The following CPEB3 variants were observed in gnomAD, a reference collection of about 807,000 sequenced individuals.
The protein encoded by CPEB3 is cytoplasmic polyadenylation element-binding protein 3.
Under a neutral mutation model 67.2 loss-of-function variants are expected in CPEB3, and 20 were observed. That is an observed-to-expected ratio of 0.30 (90% CI 0.21 to 0.43). The LOEUF is 0.43. Ranked by LOEUF, CPEB3 falls within the 20% of genes least tolerant of loss-of-function variation. The pLI is 1.00. For missense variants in CPEB3, 746 were observed against 968.6 expected, an observed-to-expected ratio of 0.77 and a Z score of 3.05; for synonymous variants, 376 against 393.1, an observed-to-expected ratio of 0.96 and a Z score of 0.51.
chr10:92,096,062 A>C (rs1843862293), intron 7 of CPEB3, among the ~76,000 whole-genome samples: 2 of 135,128 alleles, frequency 1.5e-5, no homozygotes. Flanking sequence ...TTTTTAGTAG[A>C]GATGGGGTTT....
In CPEB3 at chr10:92,052,097, T is replaced by C. The variant is rs1841914535; in HGVS notation, c.*115A>G. The C allele has an allele frequency of 1.6e-6, 1 of 642,858 alleles. No homozygotes were observed. Among genetic ancestry groups the C allele is most frequent in the Admixed American group, 2.9e-5 (1 of 34,174 alleles). 39.8% of individuals were successfully genotyped at this position (642,858 alleles called of 1,614,324 possible). Reference sequence around the variant, plus strand: ...ATAATAAAAAGACCCAATTCTTCTTTAAAAATCGAGAACGAATGCACAGAT... The same window carrying C: ...ATAATAAAAAGACCCAATTCTTCTTCAAAAATCGAGAACGAATGCACAGAT... On this transcript the variant is annotated 3_prime_UTR_variant, in exon 10 of 10. Transcript: ENST00000265997.
intron 4 of CPEB3, among the ~76,000 whole-genome samples, chr10:92,177,517 C>G (rs917375780): frequency 5.3e-5 from 8 of 152,182 alleles, no homozygotes; most frequent in Non-Finnish European, 1.0e-4. Context: ...TTAATAGATT[C>G]ATGGTCTTGA....
chr10:92,210,991 A>C (rs961359279), intron 2 of CPEB3, among the ~76,000 whole-genome samples: 1 of 152,246 alleles, frequency 6.6e-6, no homozygotes, highest in African/African-American at 2.4e-5. Context: ...CAGAGGTTGC[A>C]GTGAGCTGAG....
chr10:92,059,330 A>AAAAAAAAAAAAAC (rs1339581891), intron 9 of CPEB3, among the ~76,000 whole-genome samples: 3 of 150,876 alleles, frequency 2.0e-5, no homozygotes, highest in East Asian at 1.9e-4. Context: ...TCTGTCAAAA[A>AAAAAAAAAAAAAC]AAAAACAAAG....
intron 1 of CPEB3, among the ~76,000 whole-genome samples, chr10:92,249,067 C>T (rs1852183513): frequency 6.7e-6 from 1 of 148,412 alleles, no homozygotes; most frequent in Non-Finnish European, 1.5e-5. Context: ...AGCCACTGTG[C>T]TGCCAGTTTT....
intron 4 of CPEB3, among the ~76,000 whole-genome samples, chr10:92,153,833 T>A (rs1034278673): frequency 6.6e-6 from 1 of 152,172 alleles, no homozygotes; most frequent in Non-Finnish European, 1.5e-5. Flanking sequence ...TGTCTACTTA[T>A]GGACAAGAGT....
At chr10:92,093,434 G>C (rs1291878678) in intron 7 of CPEB3, among the ~76,000 whole-genome samples, 1 of 152,094 alleles carries the variant, frequency 6.6e-6, no homozygotes, top group South Asian at 2.1e-4. Flanking sequence ...GGTAGCACCT[G>C]TGGCAATTAT....
chr10:92,191,464 A>G (rs1467809720), intron 3 of CPEB3, among the ~76,000 whole-genome samples: 1 of 152,148 alleles, frequency 6.6e-6, no homozygotes, highest in African/African-American at 2.4e-5. Context: ...TTTATAACCT[A>G]TTGACTACTT....
In CPEB3 at chr10:92,240,274, G is replaced by GGCTGCTGCTGCTGCC. The variant is rs767414848; in HGVS notation, c.62_76dup (p.Arg21_Gln25dup). The GGCTGCTGCTGCTGCC allele has an allele frequency of 1.8e-5, 28 of 1,518,514 alleles. No homozygotes were observed. In the South Asian group the frequency reaches 2.8e-4, roughly 15 times the overall value. The allele number at this position is 1,518,514 out of a possible 1,614,324, so 94.1% of individuals were successfully genotyped here. ...TTCGGATACGCTGGACTCAGGTTGGGGCTGCTGCTGCTGCCGCTGCTGCTG... is the reference window on the plus strand; with the variant it reads ...TTCGGATACGCTGGACTCAGGTTGGGGCTGCTGCTGCTGCCGCTGCTGCTGCTGCCGCTGCTGCTG... On this transcript the variant is annotated inframe_insertion, in exon 2 of 10. Coordinates refer to ENST00000265997, the MANE Select transcript of CPEB3 (RefSeq NM_014912.5).
chr10:92,113,529 C>A (rs1210950577), intron 6 of CPEB3, among the ~76,000 whole-genome samples: 2 of 152,134 alleles, frequency 1.3e-5, no homozygotes, highest in Non-Finnish European at 2.9e-5. Flanking sequence ...ATATTGAACA[C>A]CCTGCAGTCA....
At chr10:92,071,931 A>G (rs7912078) in intron 9 of CPEB3, among the ~76,000 whole-genome samples, 1,584 of 152,288 alleles carry the variant, frequency 0.01, 43 homozygotes, top group African/African-American at 0.036. Context: ...TTCATTTGGC[A>G]TCACTTCTAA....
rs1232344698 is a variant in CPEB3, at chr10:92,105,308, A to T, written c.1572+5768T>A. Among the ~76,000 whole-genome samples, 3 of 152,218 alleles carry T rather than the reference A, an allele frequency of 2.0e-5. No individual in the cohort carries two copies. The South Asian group carries it at 6.2e-4, about 32-fold the overall frequency. On this transcript the variant is annotated intron_variant, in intron 7 of 9. Coordinates refer to ENST00000265997, the MANE Select transcript of CPEB3 (RefSeq NM_014912.5). Reference sequence around the variant, plus strand: ...CACATCACAAATGAAGGACTGAGACAATCAAGGTGTTCTATAACTTAGTCT... The same window carrying T: ...CACATCACAAATGAAGGACTGAGACTATCAAGGTGTTCTATAACTTAGTCT...
At chr10:92,264,002 T>C (rs1852926682) in intron 1 of CPEB3, among the ~76,000 whole-genome samples, 1 of 152,080 alleles carries the variant, frequency 6.6e-6, no homozygotes, top group Non-Finnish European at 1.5e-5. Flanking sequence ...GAAGCTATCA[T>C]TCTTCTCATT....
chr10:92,213,559 T>A (rs1373983127), intron 2 of CPEB3, among the ~76,000 whole-genome samples: 2 of 152,176 alleles, frequency 1.3e-5, no homozygotes, highest in African/African-American at 4.8e-5. Context: ...ACAACAGGCA[T>A]AATATATCAA....
chr10:92,225,881 G>C (rs1850946405), intron 2 of CPEB3, among the ~76,000 whole-genome samples: 2 of 152,152 alleles, frequency 1.3e-5, no homozygotes, highest in South Asian at 2.1e-4. Flanking sequence ...GGCAGATCAC[G>C]AGGTCAGGAG....
chr10:92,198,447 T>C (rs1274384434), intron 2 of CPEB3, among the ~76,000 whole-genome samples: 1 of 152,196 alleles, frequency 6.6e-6, no homozygotes, highest in Non-Finnish European at 1.5e-5. Flanking sequence ...GATCTACCTC[T>C]ATACAATCCC....
intron 9 of CPEB3, among the ~76,000 whole-genome samples, chr10:92,072,986 G>T (rs530285222): frequency 3.4e-5 from 5 of 146,372 alleles, no homozygotes; most frequent in African/African-American, 1.2e-4. Flanking sequence ...TTTATTTCAA[G>T]ATGCTAATGA....
chr10:92,230,923 G>A (rs777518404), intron 2 of CPEB3, among the ~76,000 whole-genome samples: 1 of 152,150 alleles, frequency 6.6e-6, no homozygotes. Context: ...CCCTAAAGAG[G>A]GTCAGGCATG....
chr10:92,049,736 TA>T lies in CPEB3; in HGVS notation c.*2475del, dbSNP rs1852221781. 1 of 152,602 alleles carries T rather than the reference TA, an allele frequency of 6.6e-6. No individual in the cohort carries two copies. Among genetic ancestry groups the T allele is most frequent in the South Asian group, 2.1e-4 (1 of 4,822 alleles). The allele number at this position is 152,602 out of a possible 1,614,324, so 9.5% of individuals were successfully genotyped here. On this transcript the variant is annotated 3_prime_UTR_variant, in exon 10 of 10. Transcript: ENST00000265997. The stretch of plus-strand genomic sequence containing the variant: ...TTATGCTGTACAATCTTCCAGCTTT[TA>T]AAAAAATCTCAGTGTTATTTTAATA...
Sources: allele counts gnomAD v4.1 joint callset (sites outside exome capture counted in the v4.1 genomes callset), GRCh38; gene constraint gnomAD v4.1.1; transcripts MANE v1.5; gene names NCBI Gene and HGNC (gene_info 2026-07-23, HGNC 2026-07-21).